Variants in NOVA1 observed in about 807,000 individuals in gnomAD.
NOVA1 encodes NOVA alternative splicing regulator 1.
In NOVA1, 7 loss-of-function variants were observed where a neutral mutation model predicts 38.0. That is an observed-to-expected ratio of 0.18 (90% CI 0.10 to 0.35). The LOEUF is 0.35. Among genes scored for constraint, NOVA1 ranks in the 10% least tolerant of loss-of-function variants. The probability of loss-of-function intolerance (pLI) is 1.00; values close to 1 mark genes in which losing one functional copy is unlikely to be tolerated. For synonymous variants in NOVA1, 270 were observed against 232.5 expected, an observed-to-expected ratio of 1.16 and a Z score of -1.47; for missense variants, 460 against 616.0, an observed-to-expected ratio of 0.75 and a Z score of 2.68.
chr14:26,460,023 T>C (rs1342318702), intron 4 of NOVA1, among the ~76,000 whole-genome samples: 2 of 152,058 alleles, frequency 1.3e-5, no homozygotes, highest in Non-Finnish European at 2.9e-5. Context: ...AGGTGAATTA[T>C]ATATTTCTTA....
chr14:26,564,265 G>C (rs1158347612), intron 2 of NOVA1, among the ~76,000 whole-genome samples: 1 of 152,098 alleles, frequency 6.6e-6, no homozygotes, highest in African/African-American at 2.4e-5. Context: ...TGATGAACTT[G>C]TAGCTAACGG....
At chr14:26,486,273 T>C (rs1885878991) in intron 2 of NOVA1, among the ~76,000 whole-genome samples, 1 of 152,154 alleles carries the variant, frequency 6.6e-6, no homozygotes, top group South Asian at 2.1e-4. Flanking sequence ...TTCATATTTT[T>C]CCTCTTTTTG....
chr14:26,583,881 TCACACACACACACACACACACACA>T, intron 2 of NOVA1, among the ~76,000 whole-genome samples: 1 of 146,032 alleles, frequency 6.8e-6, no homozygotes, highest in Non-Finnish European at 1.5e-5. Flanking sequence ...AGCATCAAAT[TCACACACACACACACACACACACA>T]CACACACACA....
chr14:26,528,890 A>G lies in NOVA1; in HGVS notation c.281-48747T>C, dbSNP rs549356401. On this transcript the variant is annotated intron_variant, in intron 2 of 4. Transcript: ENST00000539517. ...CTGACCACTCTAAACTCTCTGGTCCAGTGGTGATGAAAAGTCTAGGAAGCC... is the reference window on the plus strand; with the variant it reads ...CTGACCACTCTAAACTCTCTGGTCCGGTGGTGATGAAAAGTCTAGGAAGCC... Among the ~76,000 whole-genome samples, 17 of 152,306 alleles carry G rather than the reference A, an allele frequency of 1.1e-4. No individual in the cohort carries two copies. The East Asian group carries it at 3.3e-3, about 30-fold the overall frequency.
chr14:26,539,931 AGTT>A (rs1173714482), intron 2 of NOVA1, among the ~76,000 whole-genome samples: 2 of 152,146 alleles, frequency 1.3e-5, no homozygotes, highest in African/African-American at 4.8e-5. Context: ...CCTGCTGCAG[AGTT>A]ACTCCTCTTA....
chr14:26,558,340 C>A (rs762233854), intron 2 of NOVA1, among the ~76,000 whole-genome samples: 13 of 152,096 alleles, frequency 8.5e-5, no homozygotes, highest in Admixed American at 2.0e-4. Flanking sequence ...TCCTTCAACA[C>A]AGGTGGATGG....
At chr14:26,516,672 T>C (rs1366976401) in intron 2 of NOVA1, among the ~76,000 whole-genome samples, 1 of 152,190 alleles carries the variant, frequency 6.6e-6, no homozygotes, top group Non-Finnish European at 1.5e-5. Context: ...ACTATATATA[T>C]TTTTGTTTGT....
chr14:26,546,049 T>C lies in NOVA1; in HGVS notation c.280+49361A>G, dbSNP rs980974529. The stretch of plus-strand genomic sequence containing the variant: ...AAAAATAAGCAGAAATCATTTGATA[T>C]ATAAAATAAGAAAAGCAAAGATATG... On this transcript the variant is annotated intron_variant, in intron 2 of 4. Transcript: ENST00000539517. Among the ~76,000 whole-genome samples the C allele has an allele frequency of 6.6e-5, 10 of 152,228 alleles. No individual in the cohort carries two copies. The East Asian group carries it at 1.7e-3, about 26-fold the overall frequency.
At chr14:26,519,995 A>G (rs1372510158) in intron 2 of NOVA1, among the ~76,000 whole-genome samples, 4 of 152,216 alleles carry the variant, frequency 2.6e-5, no homozygotes, top group African/African-American at 9.6e-5. Context: ...TGCCACAAAC[A>G]CTGAATTAAC....
chr14:26,564,275 G>A (rs546253840), intron 2 of NOVA1, among the ~76,000 whole-genome samples: 1 of 152,076 alleles, frequency 6.6e-6, no homozygotes, highest in South Asian at 2.1e-4. Flanking sequence ...GTAGCTAACG[G>A]TACTAACAGC....
intron 2 of NOVA1, among the ~76,000 whole-genome samples, chr14:26,499,028 G>C (rs1247990835): frequency 3.4e-4 from 52 of 152,144 alleles, no homozygotes; most frequent in Admixed American, 3.3e-3. Flanking sequence ...GAATAAAACA[G>C]TAGTTTCCAG....
chr14:26,447,924 A>C lies in NOVA1; in HGVS notation c.*35T>G. ...ATCCTTCTTGAAAATGGGGTAAAGG[A>C]GGGGTTAAAACAATCTGATGTGTAA... On this transcript the variant is annotated 3_prime_UTR_variant, in exon 5 of 5. Coordinates refer to ENST00000539517, the MANE Select transcript of NOVA1 (RefSeq NM_002515.3). 1 of 1,551,922 alleles carries C rather than the reference A, an allele frequency of 6.4e-7. No homozygotes were observed.
At chr14:26,480,305 T>C (rs1169461844) in intron 2 of NOVA1, among the ~76,000 whole-genome samples, 162 bp from the exon 3 acceptor site, 1 of 152,194 alleles carries the variant, frequency 6.6e-6, no homozygotes, top group Non-Finnish European at 1.5e-5. Context: ...CTTCTCATGA[T>C]TCCTTTTATA....
At chr14:26,491,442 T>G (rs147749714) in intron 2 of NOVA1, among the ~76,000 whole-genome samples, 1 of 152,328 alleles carries the variant, frequency 6.6e-6, no homozygotes, top group East Asian at 1.9e-4. Flanking sequence ...TGTCCTTTGA[T>G]GCACAGAAGT....
At chr14:26,584,768 G>A (rs573166604) in intron 2 of NOVA1, among the ~76,000 whole-genome samples, 3 of 151,292 alleles carry the variant, frequency 2.0e-5, no homozygotes, top group Admixed American at 1.3e-4. Context: ...GCTCCTCTTC[G>A]AAGTCTTCTT....
At chr14:26,590,536 A>G (rs571408504) in intron 2 of NOVA1, among the ~76,000 whole-genome samples, 1 of 151,890 alleles carries the variant, frequency 6.6e-6, no homozygotes, top group Non-Finnish European at 1.5e-5. Context: ...AATTTTTTAA[A>G]AAATTAATTC....
At chr14:26,540,135 C>G (rs1291129690) in intron 2 of NOVA1, among the ~76,000 whole-genome samples, 2 of 152,152 alleles carry the variant, frequency 1.3e-5, no homozygotes, top group Non-Finnish European at 2.9e-5. Flanking sequence ...ATCAGCCATC[C>G]CCACTTCCCC....
chr14:26,530,554 A>G (rs1222646129), intron 2 of NOVA1, among the ~76,000 whole-genome samples: 2 of 152,162 alleles, frequency 1.3e-5, no homozygotes, highest in Non-Finnish European at 2.9e-5. Flanking sequence ...CTCTGGGAAA[A>G]GACTGGAAGC....
intron 2 of NOVA1, among the ~76,000 whole-genome samples, chr14:26,553,863 TAG>T (rs1459806320): frequency 6.6e-6 from 1 of 152,068 alleles, no homozygotes; most frequent in Non-Finnish European, 1.5e-5. Context: ...GAAGGAGGAC[TAG>T]GCCGGGCCAG....
Sources: allele counts gnomAD v4.1 joint callset (sites outside exome capture counted in the v4.1 genomes callset), GRCh38; gene constraint gnomAD v4.1.1; transcripts MANE v1.5; gene names NCBI Gene and HGNC (gene_info 2026-07-23, HGNC 2026-07-21).